The following OXSR1 variants were observed in gnomAD, a reference collection of about 807,000 sequenced individuals.
OXSR1 encodes serine/threonine-protein kinase OSR1.
OXSR1 carries 24 observed loss-of-function variants against 79.8 expected under a neutral mutation model. The ratio of observed to expected loss-of-function variants is 0.30; its 90% CI spans 0.22 to 0.42. The LOEUF (loss-of-function observed/expected upper bound fraction) is 0.42, where lower values mean the gene tolerates loss of function less well. OXSR1 is among the 10% of genes least tolerant of loss of function. OXSR1 has a pLI of 1.00. For synonymous variants in OXSR1, 226 were observed against 209.2 expected (o/e 1.08, Z -0.69); for missense variants, 430 against 618.4 (o/e 0.70, Z 3.23).
chr3:38,227,301 A>G (rs1408303690), intron 8 of OXSR1, among the ~76,000 whole-genome samples: 1 of 152,158 alleles, frequency 6.6e-6, no homozygotes, highest in Non-Finnish European at 1.5e-5. Flanking sequence ...TTATTTTACA[A>G]ATGAAGAAAC....
At chr3:38,184,729 A>G (rs1386171093) in intron 2 of OXSR1, among the ~76,000 whole-genome samples, 1 of 152,016 alleles carries the variant, frequency 6.6e-6, no homozygotes, top group African/African-American at 2.4e-5. Flanking sequence ...AACCTCACAC[A>G]CATCTCCATG....
chr3:38,169,295 G>T (rs947155843), intron 1 of OXSR1, among the ~76,000 whole-genome samples: 10 of 145,326 alleles, frequency 6.9e-5, no homozygotes, highest in Non-Finnish European at 1.4e-4. Context: ...CCATTGGGTT[G>T]TTTTTTTTTT....
At chr3:38,191,305 A>C (rs925658461) in intron 3 of OXSR1, among the ~76,000 whole-genome samples, 1 of 151,798 alleles carries the variant, frequency 6.6e-6, no homozygotes, top group African/African-American at 2.4e-5. Flanking sequence ...TCTTCAAGCG[A>C]TCCTTCCTAC....
At chr3:38,175,452 A>G (rs1306855511) in intron 1 of OXSR1, among the ~76,000 whole-genome samples, 2 of 152,094 alleles carry the variant, frequency 1.3e-5, no homozygotes, top group Admixed American at 1.3e-4. Flanking sequence ...GGCGTGTGCC[A>G]CCACACCCGG....
Position 38,223,934 on chromosome 3 carries a change from A to G in OXSR1, c.702+21A>G, listed in dbSNP as rs766994566. 3 of 1,439,942 alleles carry G rather than the reference A, an allele frequency of 2.1e-6. No homozygotes were observed. In the Middle Eastern group the frequency reaches 5.3e-4, roughly 254 times the overall value. 89.2% of individuals were successfully genotyped at this position (1,439,942 alleles called of 1,614,324 possible). ...TGAAGGTGAGGCTTGTATTCCAAAT[A>G]CTACCCCAGCTCAAGTCCCAATTCC... is the stretch of plus-strand genomic sequence containing the variant. On this transcript the variant is annotated intron_variant, in intron 7 of 17. Transcript: ENST00000311806.
intron 4 of OXSR1, among the ~76,000 whole-genome samples, chr3:38,214,664 G>A (rs919412265): frequency 6.6e-6 from 1 of 152,200 alleles, no homozygotes; most frequent in Non-Finnish European, 1.5e-5. Context: ...AGGCTGGCCT[G>A]CACTCTACTA....
At chr3:38,196,976 A>G (rs1702081779) in intron 3 of OXSR1, among the ~76,000 whole-genome samples, 1 of 152,250 alleles carries the variant, frequency 6.6e-6, no homozygotes, top group South Asian at 2.1e-4. Context: ...ATTACATTGT[A>G]AACAGTGTTT....
At chr3:38,165,107 C>T (rs534745427), upstream of OXSR1, 1 of 152,308 alleles carries the variant, frequency 6.6e-6, no homozygotes, top group African/African-American at 2.4e-5. Flanking sequence ...GCAGCCCTAA[C>T]ACGGAGAAGC....
intron 2 of OXSR1, among the ~76,000 whole-genome samples, chr3:38,183,745 G>A (rs532476132): frequency 1.3e-5 from 2 of 152,264 alleles, no homozygotes; most frequent in East Asian, 3.9e-4. Context: ...GAAGTCCCAA[G>A]CAATAGCTGT....
At chr3:38,193,441 T>C (rs767399238) in intron 3 of OXSR1, 28 of 1,237,032 alleles carry the variant, frequency 2.3e-5, no homozygotes, top group Non-Finnish European at 3.0e-5. Flanking sequence ...CTTTCGTTAT[T>C]GATCACCTAT....
intron 4 of OXSR1, among the ~76,000 whole-genome samples, chr3:38,203,557 C>T (rs558432810): frequency 1.3e-5 from 2 of 152,218 alleles, no homozygotes; most frequent in South Asian, 4.2e-4. Flanking sequence ...TTATGTTGCC[C>T]AGACTAGTCT....
chr3:38,200,850 T>C (rs1702149630), intron 4 of OXSR1, among the ~76,000 whole-genome samples: 1 of 152,242 alleles, frequency 6.6e-6, no homozygotes, highest in South Asian at 2.1e-4. Context: ...GCCAAATTGC[T>C]TTTCAGAAAT....
chr3:38,235,487 A>G (rs563765523), intron 10 of OXSR1, among the ~76,000 whole-genome samples: 11 of 152,362 alleles, frequency 7.2e-5, no homozygotes, highest in African/African-American at 2.4e-4. Context: ...TAAATCATTG[A>G]CAAAATAATT....
At chr3:38,177,668 T>C (rs1701699680) in intron 1 of OXSR1, among the ~76,000 whole-genome samples, 1 of 152,156 alleles carries the variant, frequency 6.6e-6, no homozygotes, top group African/African-American at 2.4e-5. Context: ...CACTGCAGCA[T>C]TGACCTCCTG....
At chr3:38,195,858 AGAT>A (rs750408810) in intron 3 of OXSR1, among the ~76,000 whole-genome samples, 3 of 152,264 alleles carry the variant, frequency 2.0e-5, no homozygotes, top group Non-Finnish European at 4.4e-5. Flanking sequence ...TTTTGGGAAT[AGAT>A]GATCTACATT....
In OXSR1 at chr3:38,255,195, A is replaced by G. The variant is rs941470654; in HGVS notation, c.*2304A>G. 2.6e-5 allele frequency: 4 copies of G among 152,628 alleles called. No individual in the cohort carries two copies. The highest frequency in any genetic ancestry group is 7.2e-5 in the African/African-American group (3 of 41,434). The allele number at this position is 152,628 out of a possible 1,614,324, so 9.5% of individuals were successfully genotyped here. ...CTTGTCCCTGGAGTAGGGACTAACT[A>G]TAGCACAAAGTAATATGTGCCAATG... On this transcript the variant is annotated 3_prime_UTR_variant, in exon 18 of 18. Coordinates refer to ENST00000311806, the MANE Select transcript of OXSR1 (RefSeq NM_005109.3).
intron 6 of OXSR1, among the ~76,000 whole-genome samples, chr3:38,222,991 A>C (rs537816877): frequency 6.6e-6 from 1 of 152,192 alleles, no homozygotes; most frequent in Non-Finnish European, 1.5e-5. Flanking sequence ...ACCATACTTA[A>C]CAGTTTCTTC....
At chr3:38,190,895 G>A (rs1701969664) in intron 3 of OXSR1, 56 bp downstream of exon 3, 1 of 958,368 alleles carries the variant, frequency 1.0e-6, no homozygotes. Flanking sequence ...GTTAGTAAAA[G>A]TTTCCTTCTT....
Position 38,246,227 on chromosome 3 carries a change from G to A in OXSR1, c.1257+6G>A. The A allele has an allele frequency of 6.2e-7, 1 of 1,613,500 alleles. No individual in the cohort carries two copies. The highest frequency in any genetic ancestry group is 8.5e-7 in the Non-Finnish European group (1 of 1,179,652). On this transcript the variant is annotated splice_donor_region_variant and intron_variant, in intron 13 of 17. Coordinates refer to ENST00000311806, the MANE Select transcript of OXSR1 (RefSeq NM_005109.3). ...AGCCAGCAAAAACAGCTCAGGTAAA[G>A]CCGGGGATATGGTTTCATGGTCACT...
Sources: gnomAD v4.1 joint callset for allele counts (sites outside exome capture counted in the v4.1 genomes callset) on GRCh38, gnomAD v4.1.1 for gene constraint, MANE v1.5 for transcripts, NCBI Gene and HGNC (gene_info 2026-07-23, HGNC 2026-07-21) for gene names.